The following NR2F1-AS1 variants were observed in gnomAD, a reference collection of about 807,000 sequenced individuals.
NR2F1-AS1 encodes NR2F1 regulatory antisense RNA 1, also known as NR2F1 antisense RNA 1.
intron 4 of NR2F1-AS1, among the ~76,000 whole-genome samples, chr5:93,445,258 A>G (rs964258419): frequency 6.6e-6 from 1 of 152,226 alleles, no homozygotes; most frequent in African/African-American, 2.4e-5. Context: ...CAATGAATCC[A>G]GGAGTTGGTT....
intron 4 of NR2F1-AS1, among the ~76,000 whole-genome samples, chr5:93,453,598 G>A (rs746716209): frequency 5.9e-5 from 9 of 152,018 alleles, no homozygotes; most frequent in Non-Finnish European, 1.3e-4. Flanking sequence ...AGCAGCCAGA[G>A]AGCAGGAAAA....
chr5:93,542,260 T>C (rs1751967611), intron 4 of NR2F1-AS1: 1 of 151,890 alleles, frequency 6.6e-6, no homozygotes, highest in Admixed American at 6.6e-5. Flanking sequence ...TGTGAAAGTA[T>C]GACAACTTAT....
intron 4 of NR2F1-AS1, among the ~76,000 whole-genome samples, chr5:93,537,526 T>C (rs1751863988): frequency 6.6e-6 from 1 of 151,994 alleles, no homozygotes; most frequent in African/African-American, 2.4e-5. Flanking sequence ...AAAGACAACA[T>C]ACAAATGGTC....
At chr5:93,583,342 T>C (rs1753160663), upstream of NR2F1-AS1, 1 of 145,702 alleles carries the variant, frequency 6.9e-6, no homozygotes, top group Non-Finnish European at 1.5e-5. Context: ...TCTCTCCTCT[T>C]TCTCCCCCCT....
chr5:93,533,393 C>T (rs1465162090), intron 4 of NR2F1-AS1, among the ~76,000 whole-genome samples: 1 of 152,072 alleles, frequency 6.6e-6, no homozygotes, highest in Non-Finnish European at 1.5e-5. Flanking sequence ...ATGCTGTATG[C>T]ACACAATTTA....
intron 4 of NR2F1-AS1, among the ~76,000 whole-genome samples, chr5:93,469,075 A>G (rs561504486): frequency 6.6e-6 from 1 of 152,254 alleles, no homozygotes; most frequent in African/African-American, 2.4e-5. Flanking sequence ...ATTGGTAAAG[A>G]TATTTGTGGA....
chr5:93,555,305 G>C (rs1752329542), intron 2 of NR2F1-AS1, among the ~76,000 whole-genome samples: 1 of 152,160 alleles, frequency 6.6e-6, no homozygotes, highest in African/African-American at 2.4e-5. Flanking sequence ...AAGTACTACA[G>C]ATACTAAAAG....
intron 4 of NR2F1-AS1, among the ~76,000 whole-genome samples, chr5:93,549,772 T>A (rs1423110662): frequency 6.6e-6 from 1 of 152,114 alleles, no homozygotes. Context: ...CACCATGGAA[T>A]ACTATGCAGC....
chr5:93,494,842 CA>C (rs1750924979), intron 4 of NR2F1-AS1, among the ~76,000 whole-genome samples: 2 of 152,168 alleles, frequency 1.3e-5, no homozygotes, highest in African/African-American at 4.8e-5. Context: ...GAAAACAGCT[CA>C]AATGCCCATC....
intron 4 of NR2F1-AS1, among the ~76,000 whole-genome samples, chr5:93,532,289 G>A (rs962360253): frequency 6.6e-6 from 1 of 150,644 alleles, no homozygotes; most frequent in Non-Finnish European, 1.5e-5. Flanking sequence ...CTGTCCCTAG[G>A]AAAAAAAAAG....
intron 4 of NR2F1-AS1, among the ~76,000 whole-genome samples, chr5:93,415,336 C>T (rs536310634): frequency 6.6e-6 from 1 of 152,270 alleles, no homozygotes; most frequent in African/African-American, 2.4e-5. Context: ...TGGTTTCTAG[C>T]ACAGTACCTG....
chr5:93,416,654 A>G (rs146859284), intron 4 of NR2F1-AS1, among the ~76,000 whole-genome samples: 1 of 152,246 alleles, frequency 6.6e-6, no homozygotes, highest in East Asian at 1.9e-4. Flanking sequence ...ATTTTTACAA[A>G]TTGGAAAACA....
intron 4 of NR2F1-AS1, among the ~76,000 whole-genome samples, chr5:93,441,326 G>A (rs1043892259): frequency 2.0e-5 from 3 of 152,282 alleles, no homozygotes; most frequent in African/African-American, 7.2e-5. Flanking sequence ...GGAAAGAGAA[G>A]CTTAGAATGC....
At chr5:93,552,500 T>C (rs1480118795) in intron 4 of NR2F1-AS1, among the ~76,000 whole-genome samples, 1 of 152,116 alleles carries the variant, frequency 6.6e-6, no homozygotes, top group Non-Finnish European at 1.5e-5. Flanking sequence ...ACATTTCATA[T>C]TGATGGTTAG....
At chr5:93,478,003 T>G (rs1750519743) in intron 4 of NR2F1-AS1, among the ~76,000 whole-genome samples, 1 of 152,190 alleles carries the variant, frequency 6.6e-6, no homozygotes, top group African/African-American at 2.4e-5. Flanking sequence ...TGGCATAGAC[T>G]GGAAATGCTG....
intron 4 of NR2F1-AS1, among the ~76,000 whole-genome samples, chr5:93,526,547 G>C (rs2149898142): frequency 6.6e-6 from 1 of 152,064 alleles, no homozygotes; most frequent in South Asian, 2.1e-4. Context: ...AACACAAAAA[G>C]GAAAATTTCA....
In NR2F1-AS1 at chr5:93,432,313, C is replaced by T. The variant is rs553704447; in HGVS notation, n.639-36771G>A. 4.6e-5 allele frequency: 7 copies of T among 152,254 alleles called. No individual in the cohort carries two copies. The South Asian group carries it at 1.5e-3, about 32-fold the overall frequency. The allele number at this position is 152,254 out of a possible 1,614,324, so 9.4% of individuals were successfully genotyped here. A position where few individuals can be genotyped will look rare whatever the true frequency, so the allele number is the denominator to read the frequency against. The stretch of plus-strand genomic sequence containing the variant: ...CAAAAATCAGATGTGGTCATTAATT[C>T]TACTGAAACACCAACATCTCTATAT... On this transcript the variant is annotated intron_variant and non_coding_transcript_variant, in intron 4 of 5. Transcript: ENST00000660523.
At chr5:93,532,644 T>C (rs1751759004) in intron 4 of NR2F1-AS1, among the ~76,000 whole-genome samples, 1 of 152,242 alleles carries the variant, frequency 6.6e-6, no homozygotes. Flanking sequence ...TGCCAACCTG[T>C]TTACAAACAG....
intron 4 of NR2F1-AS1, chr5:93,423,176 G>C (rs897853565): frequency 5.9e-5 from 9 of 152,250 alleles, no homozygotes; most frequent in African/African-American, 2.2e-4. Flanking sequence ...AGAATTCTCT[G>C]AGCAGGATGC....
Sources: allele counts gnomAD v4.1 joint callset (sites outside exome capture counted in the v4.1 genomes callset), GRCh38; gene constraint gnomAD v4.1.1; transcripts MANE v1.5; gene names NCBI Gene and HGNC (gene_info 2026-07-23, HGNC 2026-07-21).